EXOC4: variants seen among roughly 807,000 people sequenced by gnomAD.
EXOC4 encodes exocyst complex component 4.
EXOC4 carries 71 observed loss-of-function variants against 107.2 expected under a neutral mutation model. The observed-to-expected ratio is 0.66, with a 90% CI of 0.55 to 0.81. The LOEUF is 0.81. Among genes scored for constraint, EXOC4 ranks in the 30% least tolerant of loss-of-function variants. The pLI is 0.00. For missense variants in EXOC4, 1,108 were observed against 1,189.6 expected (o/e 0.93, Z 1.01); for synonymous variants, 456 against 441.2 (o/e 1.03, Z -0.42).
intron 17 of EXOC4, among the ~76,000 whole-genome samples, chr7:134,064,057 C>T (rs202201278): frequency 6.6e-5 from 10 of 152,108 alleles, no homozygotes; most frequent in Admixed American, 3.3e-4. Flanking sequence ...GAAAGGTATG[C>T]GGCCTCCCTG....
chr7:133,611,537 A>T (rs1802076453), intron 9 of EXOC4, among the ~76,000 whole-genome samples: 1 of 151,914 alleles, frequency 6.6e-6, no homozygotes, highest in Non-Finnish European at 1.5e-5. Flanking sequence ...GACCTACCAC[A>T]CCCTGTTGAT....
intron 17 of EXOC4, among the ~76,000 whole-genome samples, chr7:134,045,658 A>T (rs1795633300): frequency 6.6e-6 from 1 of 152,336 alleles, no homozygotes; most frequent in South Asian, 2.1e-4. Context: ...CTTTTAACGT[A>T]TGCAATTCAT....
At position 133,684,502 on chromosome 7, in the gene EXOC4, A is replaced by G. The variant is rs895108633; in HGVS notation, c.1514+54361A>G. ...GATATCTGATAGATTTGTGGGTTCT[A>G]TGTCTAAGAAAATGCAAGAAAGAAA... On this transcript the variant is annotated intron_variant, in intron 10 of 17. Transcript: ENST00000253861. Among the ~76,000 whole-genome samples, 4 of 152,124 alleles carry G rather than the reference A, an allele frequency of 2.6e-5. No homozygotes were observed. In the East Asian group the frequency reaches 7.7e-4, roughly 29 times the overall value.
intron 14 of EXOC4, among the ~76,000 whole-genome samples, chr7:133,978,101 A>G (rs1793886273): frequency 6.6e-6 from 1 of 152,178 alleles, no homozygotes; most frequent in African/African-American, 2.4e-5. Context: ...CAACTCTTCA[A>G]CCCAGGTTCA....
chr7:133,297,925 A>G, intron 3 of EXOC4, among the ~76,000 whole-genome samples: 1 of 152,132 alleles, frequency 6.6e-6, no homozygotes, highest in East Asian at 1.9e-4. Context: ...CCTCCATCAT[A>G]TTTCTGGTTT....
At chr7:133,857,177 T>C (rs1401871217) in intron 11 of EXOC4, among the ~76,000 whole-genome samples, 50 of 18,696 alleles carry the variant, frequency 2.7e-3, no homozygotes, top group Non-Finnish European at 2.9e-3. Context: ...TATATATATA[T>C]ATATATATAT....
At chr7:133,720,245 C>T (rs539571790) in intron 10 of EXOC4, among the ~76,000 whole-genome samples, 1 of 152,234 alleles carries the variant, frequency 6.6e-6, no homozygotes, top group East Asian at 1.9e-4. Flanking sequence ...GATCTCTGAG[C>T]CTTGATTTCC....
chr7:133,984,953 T>C (rs1794079793), intron 14 of EXOC4, among the ~76,000 whole-genome samples: 1 of 152,218 alleles, frequency 6.6e-6, no homozygotes, highest in African/African-American at 2.4e-5. Context: ...TTCATAGAGA[T>C]GAAAACGTCT....
At chr7:134,093,651 C>T in the EXOC4 span, among the ~76,000 whole-genome samples, 1 of 152,140 alleles carries the variant, frequency 6.6e-6, no homozygotes, top group South Asian at 2.1e-4. Context: ...GGAACATCCT[C>T]CAAGATTGAT....
chr7:133,620,358 C>CA (rs1802301411), intron 9 of EXOC4, among the ~76,000 whole-genome samples: 1 of 151,988 alleles, frequency 6.6e-6, no homozygotes, highest in African/African-American at 2.4e-5. Flanking sequence ...TACTTAAAAA[C>CA]AAAAAACCTA....
intron 5 of EXOC4, among the ~76,000 whole-genome samples, chr7:133,319,838 C>CTTTTTTTTT: frequency 1.1e-5 from 1 of 94,630 alleles, no homozygotes; most frequent in African/African-American, 4.3e-5. Flanking sequence ...TGATCGTGTG[C>CTTTTTTTTT]TTTTTTTTTT....
chr7:133,501,221 A>G lies in EXOC4; in HGVS notation c.1417+21083A>G, dbSNP rs1365289690. On this transcript the variant is annotated intron_variant, in intron 9 of 17. Transcript: ENST00000253861. ...ATCCTGCTTTGAAGCTAAAAATTCT[A>G]AATTGTTGCTTTATTAGTAATCACA... Among the ~76,000 whole-genome samples the G allele has an allele frequency of 2.6e-5, 4 of 152,188 alleles. No individual in the cohort carries two copies. The South Asian group carries it at 6.2e-4, about 24-fold the overall frequency.
the EXOC4 span, among the ~76,000 whole-genome samples, chr7:134,099,630 A>G: frequency 2.9e-4 from 42 of 145,344 alleles, 1 homozygote; most frequent in African/African-American, 1.0e-3. Flanking sequence ...CCCGGGGTTC[A>G]TGCCATTCTC....
At chr7:133,569,367 G>T (rs1800971733) in intron 9 of EXOC4, among the ~76,000 whole-genome samples, 1 of 152,138 alleles carries the variant, frequency 6.6e-6, no homozygotes, top group Non-Finnish European at 1.5e-5. Context: ...TATGCCCAAA[G>T]GACATGACTA....
intron 1 of EXOC4, among the ~76,000 whole-genome samples, chr7:133,268,170 A>AG (rs1366654502): frequency 6.6e-6 from 1 of 152,218 alleles, no homozygotes; most frequent in Non-Finnish European, 1.5e-5. Flanking sequence ...AAAGAAAAAA[A>AG]CAGACCCAGA....
chr7:133,604,687 TTTCC>T (rs1335117999), intron 9 of EXOC4, among the ~76,000 whole-genome samples: 9 of 148,230 alleles, frequency 6.1e-5, no homozygotes, highest in Admixed American at 2.0e-4. Context: ...TTTCTTTTTC[TTTCC>T]TTCCTTCCTT....
At position 133,289,044 on chromosome 7, in the gene EXOC4, T is replaced by A. The variant is rs1260406362; in HGVS notation, c.399T>A (p.Asn133Lys). ...HVLNLLDEIE[N>K]IKQVPQKLEQ... ...TGAACTTGTTGGATGAAATTGAGAATATCAAGCAAGTGCCTCAAAAGCTGG... is the reference window on the plus strand; with the variant it reads ...TGAACTTGTTGGATGAAATTGAGAAAATCAAGCAAGTGCCTCAAAAGCTGG... Residue 133 changes from asparagine (N) to lysine (K), a missense_variant, in exon 3 of 18, where the codon AAT becomes AAA. Transcript: ENST00000253861. 1 of 1,614,190 alleles carries A rather than the reference T, an allele frequency of 6.2e-7. No homozygotes were observed.
chr7:133,316,127 A>G (rs1452641330), intron 4 of EXOC4, among the ~76,000 whole-genome samples: 1 of 152,346 alleles, frequency 6.6e-6, no homozygotes, highest in East Asian at 1.9e-4. Flanking sequence ...TATTTTTCAA[A>G]GATCTCTGAA....
At chr7:133,912,885 G>C (rs1479362547) in intron 12 of EXOC4, among the ~76,000 whole-genome samples, 2 of 152,166 alleles carry the variant, frequency 1.3e-5, no homozygotes, top group Non-Finnish European at 2.9e-5. Context: ...CCCAGAGATT[G>C]TGATTTACTT....
Sources: gnomAD v4.1 joint callset for allele counts (sites outside exome capture counted in the v4.1 genomes callset) on GRCh38, gnomAD v4.1.1 for gene constraint, MANE v1.5 for transcripts, NCBI Gene and HGNC (gene_info 2026-07-23, HGNC 2026-07-21) for gene names.